Variants in MYNN observed in about 807,000 individuals in gnomAD.
MYNN encodes myoneurin.
A neutral mutation model predicts 57.2 loss-of-function variants in MYNN; 22 were observed. The observed-to-expected ratio is 0.38, with a 90% CI of 0.27 to 0.55. MYNN has a LOEUF of 0.55. MYNN is among the 20% of genes least tolerant of loss of function. The pLI is 0.71. For synonymous variants in MYNN, 241 were observed against 257.1 expected (o/e 0.94, Z 0.60); for missense variants, 566 against 723.1 (o/e 0.78, Z 2.49).
In MYNN at chr3:169,776,715, T is replaced by TTTG. The variant is rs1158023452; in HGVS notation, c.267-2051_267-2050insGTT. ...ACAAATTTTTTTTTTTTTTTTTTTTTTTTTTTGAGATGGAGTCTCACTCTG... is the reference window on the plus strand; with the variant it reads ...ACAAATTTTTTTTTTTTTTTTTTTTTTTGTTTTTTGAGATGGAGTCTCACTCTG... On this transcript the variant is annotated intron_variant, in intron 2 of 7. Coordinates refer to ENST00000349841, the MANE Select transcript of MYNN (RefSeq NM_018657.5). Among the ~76,000 whole-genome samples the TTTG allele has an allele frequency of 1.4e-5, 2 of 142,742 alleles. 1 individual carries two copies. Among genetic ancestry groups the TTTG allele is most frequent in the East Asian group, 4.1e-4 (2 of 4,878 alleles). The allele number at this position is 142,742 out of a possible 152,430, so 93.6% of individuals were successfully genotyped here. A position where few individuals can be genotyped will look rare whatever the true frequency, so the allele number is the denominator to read the frequency against.
intron 5 of MYNN, 104 bp from the exon 6 acceptor site, chr3:169,783,373 T>C (rs996808611): frequency 1.6e-5 from 11 of 670,314 alleles, no homozygotes; most frequent in Non-Finnish European, 2.6e-5. Context: ...AGAGAGATTT[T>C]AATTTAAATA....
Position 169,778,940 on chromosome 3 carries a change from C to T in MYNN, c.439C>T (p.Leu147=). The change falls in exon 3 of 8, where the codon CTG becomes TTG. Residue 147 remains leucine, a synonymous_variant. Coordinates refer to ENST00000349841, the MANE Select transcript of MYNN (RefSeq NM_018657.5). ...GAATCAACAGACTTGTCTTCTTACTCTGCGAGATTATAATAATCGAGAGAA... is the reference window on the plus strand; with the variant it reads ...GAATCAACAGACTTGTCTTCTTACTTTGCGAGATTATAATAATCGAGAGAA... ...ELNQQTCLLT[L]RDYNNREKSE... 1 of 1,613,916 alleles carries T rather than the reference C, an allele frequency of 6.2e-7. No individual in the cohort carries two copies. The highest frequency in any genetic ancestry group is 8.5e-7 in the Non-Finnish European group (1 of 1,180,002).
chr3:169,781,232 C>A (rs2108205047), intron 4 of MYNN, among the ~76,000 whole-genome samples: 1 of 152,244 alleles, frequency 6.6e-6, no homozygotes, highest in Admixed American at 6.5e-5. Flanking sequence ...TGGGCCTGAA[C>A]CCCTATAAAG....
At chr3:169,783,889 C>G (rs1426019116) in intron 6 of MYNN, 5 of 313,588 alleles carry the variant, frequency 1.6e-5, no homozygotes, top group East Asian at 1.8e-4. Flanking sequence ...GATTTTCTTA[C>G]TAAACAGTGT....
At position 169,786,776 on chromosome 3, in the gene MYNN, G is replaced by C. The variant is rs768082001; in HGVS notation, c.*98G>C. Reference sequence around the variant, plus strand: ...TTAAATTCCCATTCATTTGAGTTGTGACCATTATTTTTCATTCACTGAAGT... The same window carrying C: ...TTAAATTCCCATTCATTTGAGTTGTCACCATTATTTTTCATTCACTGAAGT... On this transcript the variant is annotated 3_prime_UTR_variant, in exon 8 of 8. Transcript: ENST00000349841. The C allele has an allele frequency of 7.9e-7, 1 of 1,268,024 alleles. No individual in the cohort carries two copies. Among genetic ancestry groups the C allele is most frequent in the African/African-American group, 1.5e-5 (1 of 66,668 alleles). 78.5% of individuals were successfully genotyped at this position (1,268,024 alleles called of 1,614,324 possible).
chr3:169,774,760 CAGTA>C (rs1778279837), intron 2 of MYNN, among the ~76,000 whole-genome samples, 199 bp downstream of exon 2: 1 of 152,284 alleles, frequency 6.6e-6, no homozygotes, highest in Non-Finnish European at 1.5e-5. Flanking sequence ...AGATAATAAA[CAGTA>C]AGATTTCTGA....
chr3:169,782,330 C>T lies in MYNN; in HGVS notation c.1221-135C>T. On this transcript the variant is annotated intron_variant, in intron 4 of 7. Transcript: ENST00000349841. This position sits in a 1 kb window ranked among gnomAD's most constrained non-coding sequence, Gnocchi z 4.8. ...GTTTTTGGCAGTGTTTACACTGAAA[C>T]AACTACTGATTTTAAATACATAGTC... 1 of 617,332 alleles carries T rather than the reference C, an allele frequency of 1.6e-6. No individual in the cohort carries two copies. The highest frequency in any genetic ancestry group is 3.4e-5 in the Admixed American group (1 of 29,400). 38.2% of individuals were successfully genotyped at this position (617,332 alleles called of 1,614,324 possible).
chr3:169,773,779 A>G (rs968295591), intron 1 of MYNN, among the ~76,000 whole-genome samples: 3 of 152,194 alleles, frequency 2.0e-5, no homozygotes, highest in Non-Finnish European at 4.4e-5. Flanking sequence ...ACAGCAAGCC[A>G]TGGCCGGGCG....
Position 169,773,412 on chromosome 3 carries a change from G to A in MYNN, c.-82G>A, listed in dbSNP as rs978260913. The A allele has an allele frequency of 6.6e-6, 1 of 152,388 alleles. No homozygotes were observed. Among genetic ancestry groups the A allele is most frequent in the Non-Finnish European group, 1.5e-5 (1 of 68,162 alleles). The allele number at this position is 152,388 out of a possible 1,614,324, so 9.4% of individuals were successfully genotyped here. A position where few individuals can be genotyped will look rare whatever the true frequency, so the allele number is the denominator to read the frequency against. The stretch of plus-strand genomic sequence containing the variant: ...GCGTGGCTCGGTGACGTCCTCCCAA[G>A]ATGGCGGAGACAGAGTGAAGAAACT... On this transcript the variant is annotated 5_prime_UTR_variant, in exon 1 of 8. Transcript: ENST00000349841.
At chr3:169,780,867 TG>T (rs1778490511) in intron 4 of MYNN, 118 bp downstream of exon 4, 23 of 895,932 alleles carry the variant, frequency 2.6e-5, no homozygotes. Context: ...CACCAAACAA[TG>T]TTAACACGTT....
rs1026079144 is a variant in MYNN, at chr3:169,779,759, T to C, written c.1060+198T>C. On this transcript the variant is annotated intron_variant, in intron 3 of 7. Transcript: ENST00000349841. ...TATTTAATGGCTGTTTAAGCCCTAATGCATCAACTCCTTATACCATTTTCC... is the reference window on the plus strand; with the variant it reads ...TATTTAATGGCTGTTTAAGCCCTAACGCATCAACTCCTTATACCATTTTCC... The C allele has an allele frequency of 2.4e-5, 14 of 582,836 alleles. No individual in the cohort carries two copies. The Admixed American group carries it at 4.1e-4, about 17-fold the overall frequency. 36.1% of individuals were successfully genotyped at this position (582,836 alleles called of 1,614,324 possible). A position where few individuals can be genotyped will look rare whatever the true frequency, so the allele number is the denominator to read the frequency against.
chr3:169,783,490 C>G lies in MYNN; in HGVS notation c.1413C>G (p.Tyr471Ter). The G allele has an allele frequency of 6.2e-7, 1 of 1,606,694 alleles. No homozygotes were observed. The highest frequency in any genetic ancestry group is 8.5e-7 in the Non-Finnish European group (1 of 1,174,098). ...HSRKHTGEKP[Y>*]ICGICGKSFI... Reference sequence around the variant, plus strand: ...TTTTCCATCTAGGTGAAAAACCATACATATGTGGTATTTGTGGGAAAAGTT... The same window carrying G: ...TTTTCCATCTAGGTGAAAAACCATAGATATGTGGTATTTGTGGGAAAAGTT... The change falls in exon 6 of 8, where the codon TAC becomes TAG. Residue 471 changes from tyrosine to a stop codon, truncating the protein, a stop_gained. Transcript: ENST00000349841. LOFTEE classifies it high-confidence loss of function.
At chr3:169,783,789 C>G in intron 6 of MYNN, 1 of 586,918 alleles carries the variant, frequency 1.7e-6, no homozygotes, top group Non-Finnish European at 3.2e-6. Flanking sequence ...AGAAATATGC[C>G]AGATAATCAA....
At chr3:169,785,033 G>T (rs866151493) in intron 7 of MYNN, among the ~76,000 whole-genome samples, 7 of 131,854 alleles carry the variant, frequency 5.3e-5, no homozygotes, top group Non-Finnish European at 8.0e-5. Flanking sequence ...CTGGAGTCTG[G>T]ATAACTCAGG....
chr3:169,783,870 A>G, intron 6 of MYNN: 1 of 337,820 alleles, frequency 3.0e-6, no homozygotes. Context: ...TAATACCAAG[A>G]TAACATCAGA....
intron 1 of MYNN, 137 bp from the exon 2 acceptor site, chr3:169,774,128 T>C: frequency 3.1e-6 from 2 of 639,210 alleles, no homozygotes; most frequent in Non-Finnish European, 5.4e-6. Context: ...ACTCATCCCT[T>C]CATTCTTAAC....
intron 4 of MYNN, among the ~76,000 whole-genome samples, chr3:169,781,683 A>G (rs1456904213): frequency 1.3e-5 from 2 of 152,234 alleles, no homozygotes; most frequent in Admixed American, 1.3e-4. Context: ...AAGTTATTCC[A>G]GATGGGAGTG....
In MYNN at chr3:169,779,026, G is replaced by C; in HGVS notation, c.525G>C (p.Lys175Asn). Residue 175 changes from lysine (K) to asparagine (N), a missense_variant, in exon 3 of 8, where the codon AAG becomes AAC. Physicochemically the swap from Lys to Asn is moderately conservative, Grantham distance 94. Around this residue, in one of 4 missense-constraint regions of MYNN, gnomAD observed 261 missense variants for 280.8 expected, o/e 0.93. Transcript: ENST00000349841. Reference protein sequence around the residue: ...ANPKQGALAKKSSQTKKKKKA... With the variant: ...ANPKQGALAKNSSQTKKKKKA... The stretch of plus-strand genomic sequence containing the variant: ...CTAAACAAGGCGCGTTAGCGAAAAA[G>C]TCATCTCAAACGAAAAAGAAGAAGA... 1 of 1,613,940 alleles carries C rather than the reference G, an allele frequency of 6.2e-7. No homozygotes were observed.
rs779462763 is a variant in MYNN, at chr3:169,779,572, T to G, written c.1060+11T>G. The G allele has an allele frequency of 1.2e-6, 2 of 1,607,340 alleles. No homozygotes were observed. The highest frequency in any genetic ancestry group is 3.4e-5 in the Admixed American group (2 of 59,296). On this transcript the variant is annotated intron_variant, in intron 3 of 7. Coordinates refer to ENST00000349841, the MANE Select transcript of MYNN (RefSeq NM_018657.5). ...TAAGAACTCATACAGGTGAGACGGG[T>G]GTGTGGGGAGATATTATTTTTATAC...
Sources: allele counts gnomAD v4.1 joint callset (sites outside exome capture counted in the v4.1 genomes callset), GRCh38; gene constraint gnomAD v4.1.1; regional missense constraint gnomAD v4.1.1; non-coding constraint Gnocchi (gnomAD v3.1); transcripts MANE v1.5; gene names NCBI Gene and HGNC (gene_info 2026-07-23, HGNC 2026-07-21).